XRRA1: variants seen among roughly 807,000 people sequenced by gnomAD.
XRRA1 encodes the protein X-ray radiation resistance associated 1, also known as X-ray radiation resistance-associated protein 1.
In XRRA1, 69 loss-of-function variants were observed where a neutral mutation model predicts 80.2. That is an observed-to-expected ratio of 0.86 (90% CI 0.71 to 1.05). The LOEUF is 1.05. XRRA1 is among the 50% of genes least tolerant of loss of function. XRRA1 has a pLI of 0.00. For synonymous variants in XRRA1, 348 were observed against 389.9 expected, an observed-to-expected ratio of 0.89 and a Z score of 1.27; for missense variants, 967 against 976.4, an observed-to-expected ratio of 0.99 and a Z score of 0.13.
At chr11:74,843,504 T>C (rs2135249455) in intron 18 of XRRA1, 51 bp from the exon 19 acceptor site, 2 of 1,577,408 alleles carry the variant, frequency 1.3e-6, no homozygotes, top group Non-Finnish European at 1.7e-6. Flanking sequence ...GGTTCTCACC[T>C]AGCCAGAAGC....
At chr11:74,881,540 T>C (rs1158247858) in intron 10 of XRRA1, among the ~76,000 whole-genome samples, 2 of 151,648 alleles carry the variant, frequency 1.3e-5, no homozygotes, top group South Asian at 2.1e-4. Flanking sequence ...CGTTAGTTGA[T>C]GCAGTTTCTT....
rs1002176788 is a variant in XRRA1 at position 74,848,322 on chromosome 11, A to G, written c.1521T>C (p.Thr507=). The change falls in exon 15 of 19, where the codon ACT becomes ACC. Residue 507 remains threonine (T), a synonymous_variant. Transcript: ENST00000684022. ...LAEDLPTTKS[T]SVESEMPTEN... ...CAGTGGGCATCTCTGACTCCACAGA[A>G]GTGCTTTTGGTAGTGGGCAGATCTT... 2.5e-6 allele frequency: 4 copies of G among 1,613,866 alleles called. No individual in the cohort carries two copies. The highest frequency in any genetic ancestry group is 3.4e-6 in the Non-Finnish European group (4 of 1,179,848).
intron 8 of XRRA1, among the ~76,000 whole-genome samples, chr11:74,908,191 A>G (rs984173547): frequency 2.0e-5 from 3 of 152,218 alleles, no homozygotes; most frequent in Admixed American, 6.5e-5. Context: ...CATTTCTGGC[A>G]TTGTGCGATA....
intron 10 of XRRA1, among the ~76,000 whole-genome samples, chr11:74,864,609 A>G (rs1203948036): frequency 6.6e-6 from 1 of 152,220 alleles, no homozygotes; most frequent in Non-Finnish European, 1.5e-5. Context: ...GGCTACAGCC[A>G]TATTTGGCCT....
chr11:74,931,650 A>C (rs1002138302), intron 5 of XRRA1: 4 of 152,188 alleles, frequency 2.6e-5, no homozygotes, highest in Admixed American at 2.6e-4. Context: ...TAATTCCTGT[A>C]TAGTATTCCA....
chr11:74,891,434 C>T (rs1180566453), intron 10 of XRRA1, among the ~76,000 whole-genome samples: 2 of 152,108 alleles, frequency 1.3e-5, no homozygotes, highest in Admixed American at 1.3e-4. Context: ...ATGACAAACC[C>T]ACAGCCAATA....
At chr11:74,850,481 G>A (rs1443833295) in intron 14 of XRRA1, among the ~76,000 whole-genome samples, 1 of 152,204 alleles carries the variant, frequency 6.6e-6, no homozygotes, top group Non-Finnish European at 1.5e-5. Flanking sequence ...GGAAACATCT[G>A]TATTTAACTT....
At chr11:74,847,583 T>G (rs992500767) in intron 15 of XRRA1, among the ~76,000 whole-genome samples, 4 of 152,226 alleles carry the variant, frequency 2.6e-5, no homozygotes, top group African/African-American at 7.2e-5. Flanking sequence ...TCAGCTCAGT[T>G]GAGCCTCTTC....
chr11:74,927,470 G>A lies in XRRA1; in HGVS notation c.443C>T (p.Pro148Leu), dbSNP rs1267105796. The change falls in exon 7 of 19, where the codon CCA becomes CTA. Residue 148 changes from proline (P) to leucine (L), a missense_variant. Coordinates refer to ENST00000684022, the MANE Select transcript of XRRA1 (RefSeq NM_001378157.1). ...TGCGAGATCCAGTTCCTTTAGGGCT[G>A]GAAACGTGTGAAATGCCTCTACATG... Reference protein sequence around the residue: ...LLPLEAFHTFPALKELDLAFN... With the variant: ...LLPLEAFHTFLALKELDLAFN... 3.7e-6 allele frequency: 6 copies of A among 1,612,392 alleles called. No individual in the cohort carries two copies. The highest frequency in any genetic ancestry group is 5.1e-6 in the Non-Finnish European group (6 of 1,178,580).
intron 8 of XRRA1, among the ~76,000 whole-genome samples, chr11:74,911,762 A>G (rs931832871): frequency 7.2e-5 from 11 of 152,194 alleles, no homozygotes; most frequent in Non-Finnish European, 1.5e-4. Context: ...GAAAGGAAGC[A>G]GTATGCCAAA....
intron 8 of XRRA1, 148 bp from the exon 9 acceptor site, chr11:74,907,421 C>T (rs758295839): frequency 5.2e-6 from 5 of 961,780 alleles, no homozygotes; most frequent in Non-Finnish European, 7.6e-6. Context: ...CATAGGGATG[C>T]ACAGAAAGTA....
In XRRA1 at chr11:74,852,118, C is replaced by T. The variant is rs181429088; in HGVS notation, c.1171-36G>A. The T allele has an allele frequency of 2.8e-5, 43 of 1,543,016 alleles. No individual in the cohort carries two copies. The East Asian group carries it at 7.2e-4, about 26-fold the overall frequency. ...TGCAGGAGAGACTCTCAGGTTGACA[C>T]CACCCCTCACCTCTACCCAGGTATG... is the stretch of plus-strand genomic sequence containing the variant. On this transcript the variant is annotated intron_variant, in intron 12 of 18. Transcript: ENST00000684022.
intron 8 of XRRA1, 121 bp from the exon 9 acceptor site, chr11:74,907,394 T>G: frequency 7.5e-7 from 1 of 1,332,742 alleles, no homozygotes; most frequent in Admixed American, 2.4e-5. Context: ...ACGGTTCTAG[T>G]GCCCAAAAGA....
intron 10 of XRRA1, among the ~76,000 whole-genome samples, chr11:74,892,377 G>T (rs550061252): frequency 3.9e-4 from 59 of 152,128 alleles, no homozygotes; most frequent in African/African-American, 4.8e-4. Flanking sequence ...ACTGGATCCC[G>T]TCCTTACCCC....
At chr11:74,856,507 T>G (rs899143314) in intron 12 of XRRA1, among the ~76,000 whole-genome samples, 1 of 152,138 alleles carries the variant, frequency 6.6e-6, no homozygotes, top group Admixed American at 6.5e-5. Flanking sequence ...TACTGGCACC[T>G]CCAAGGAGAG....
intron 3 of XRRA1, among the ~76,000 whole-genome samples, chr11:74,940,577 T>C (rs571220701): frequency 6.6e-6 from 1 of 152,268 alleles, no homozygotes; most frequent in African/African-American, 2.4e-5. Context: ...TTAAAGGAGT[T>C]AGCAATGAGA....
At chr11:74,924,428 C>T (rs542123587) in intron 7 of XRRA1, among the ~76,000 whole-genome samples, 3 of 146,594 alleles carry the variant, frequency 2.0e-5, no homozygotes, top group East Asian at 4.1e-4. Flanking sequence ...GAGTCGAGAT[C>T]GCGCCACTGC....
intron 8 of XRRA1, chr11:74,910,864 A>G: frequency 6.6e-6 from 1 of 152,380 alleles, no homozygotes; most frequent in Non-Finnish European, 1.5e-5. Context: ...GTATGTGTGG[A>G]ATGAGGGAGG....
chr11:74,843,756 C>T, intron 18 of XRRA1, 98 bp downstream of exon 18: 1 of 1,141,730 alleles, frequency 8.8e-7, no homozygotes, highest in African/African-American at 1.5e-5. Context: ...CAGTTGCTCT[C>T]TAAGGGCCTT....
Sources: gnomAD v4.1 joint callset for allele counts (sites outside exome capture counted in the v4.1 genomes callset) on GRCh38, gnomAD v4.1.1 for gene constraint, MANE v1.5 for transcripts, NCBI Gene and HGNC (gene_info 2026-07-23, HGNC 2026-07-21) for gene names.